IL15RA: variants seen among roughly 807,000 people sequenced by gnomAD.
The protein encoded by IL15RA is interleukin 15 receptor subunit alpha.
A neutral mutation model predicts 24.2 loss-of-function variants in IL15RA; 26 were observed. The ratio of observed to expected loss-of-function variants is 1.07; its 90% CI spans 0.79 to 1.49. IL15RA has a LOEUF of 1.49. Ranked by LOEUF, IL15RA falls within the 40% of genes most tolerant of loss-of-function variation. The pLI, the probability that IL15RA is intolerant of heterozygous loss-of-function variation, is 0.00. For missense variants in IL15RA, 354 were observed against 356.4 expected (o/e 0.99, Z 0.05); for synonymous variants, 166 against 157.6 (o/e 1.05, Z -0.40).
chr10:5,958,378 T>A lies in IL15RA; in HGVS notation c.616+1376A>T, dbSNP rs1412722447. The A allele has an allele frequency of 2.3e-6, 1 of 440,890 alleles. No individual in the cohort carries two copies. Among genetic ancestry groups the A allele is most frequent in the Non-Finnish European group, 4.6e-6 (1 of 218,608 alleles). The allele number at this position is 440,890 out of a possible 1,614,324, so 27.3% of individuals were successfully genotyped here. A position where few individuals can be genotyped will look rare whatever the true frequency, so the allele number is the denominator to read the frequency against. On this transcript the variant is annotated intron_variant, in intron 5 of 6. Transcript: ENST00000379977. This position sits in a 1 kb window ranked among gnomAD's most constrained non-coding sequence, Gnocchi z 4.3. The stretch of plus-strand genomic sequence containing the variant: ...TGCAAGGGGATTTTTGAGTTAGAAA[T>A]GGGATTTGCTTTTCGTCTTTTTTTT...
intron 1 of IL15RA, among the ~76,000 whole-genome samples, chr10:5,976,370 G>A (rs1001815675): frequency 1.3e-5 from 2 of 152,222 alleles, no homozygotes; most frequent in African/African-American, 4.8e-5. Context: ...AGACTGGCCC[G>A]ACTGGATGTA....
In IL15RA at chr10:5,956,423, A is replaced by C; in HGVS notation, c.648T>G (p.Cys216Trp). ...CCAGGAGAGACACAGCGCTCAGCCC[A>C]CACAGCAGGACAGTGGACGTGGAGA... ...VAISTSTVLL[C>W]GLSAVSLLAC... The change falls in exon 6 of 7, where the codon TGT becomes TGG. Residue 216 changes from cysteine to tryptophan, a missense_variant. Cys to Trp is a radical substitution (Grantham distance 215). Transcript: ENST00000379977. The C allele has an allele frequency of 6.2e-7, 1 of 1,614,122 alleles. No individual in the cohort carries two copies. Among genetic ancestry groups the C allele is most frequent in the Non-Finnish European group, 8.5e-7 (1 of 1,179,956 alleles).
chr10:5,968,829 G>T lies in IL15RA; in HGVS notation c.89-2490C>A. The T allele has an allele frequency of 1.2e-6, 1 of 815,826 alleles. No homozygotes were observed. Among genetic ancestry groups the T allele is most frequent in the Non-Finnish European group, 2.0e-6 (1 of 488,910 alleles). The allele number at this position is 815,826 out of a possible 1,614,324, so 50.5% of individuals were successfully genotyped here. ...GTGGCACTGGGGGCAGTTTTCCATT[G>T]TCCTGAGTCTCACGCAGGCCTCGTG... is the stretch of plus-strand genomic sequence containing the variant. On this transcript the variant is annotated intron_variant, in intron 1 of 6. Transcript: ENST00000379977. This position sits in a 1 kb window ranked among gnomAD's most constrained non-coding sequence, Gnocchi z 5.4.
downstream of IL15RA, chr10:5,952,305 T>C (rs1322100522): frequency 1.3e-5 from 2 of 152,532 alleles, no homozygotes; most frequent in African/African-American, 4.8e-5. Context: ...TCAGTCACCT[T>C]GGACTCTGCC....
upstream of IL15RA, chr10:5,977,560 G>T: frequency 7.9e-7 from 1 of 1,272,004 alleles, no homozygotes; most frequent in Non-Finnish European, 9.9e-7. Flanking sequence ...GGGAGGTGGC[G>T]AGCGCTGCTC....
At chr10:5,972,839 C>G (rs1032434263) in intron 1 of IL15RA, among the ~76,000 whole-genome samples, 1 of 152,040 alleles carries the variant, frequency 6.6e-6, no homozygotes, top group African/African-American at 2.4e-5. Flanking sequence ...GTTTTCACCA[C>G]TTTTTTGCTA....
At chr10:5,978,054 T>TGCGGAGGC (rs1279193090), upstream of IL15RA, 2 of 152,950 alleles carry the variant, frequency 1.3e-5, no homozygotes. The surrounding 1 kb of genome is among the most constrained non-coding windows in gnomAD (Gnocchi z 5.2). Context: ...GTCGCCGCGG[T>TGCGGAGGC]GCGGAGGCGC....
chr10:5,960,306 GC>G lies in IL15RA; in HGVS notation c.583+60del. The G allele has an allele frequency of 2.1e-6, 3 of 1,442,492 alleles. No individual in the cohort carries two copies. Among genetic ancestry groups the G allele is most frequent in the Non-Finnish European group, 9.8e-7 (1 of 1,025,318 alleles). 89.4% of individuals were successfully genotyped at this position (1,442,492 alleles called of 1,614,324 possible). A position where few individuals can be genotyped will look rare whatever the true frequency, so the allele number is the denominator to read the frequency against. On this transcript the variant is annotated intron_variant, in intron 4 of 6. Coordinates refer to ENST00000379977, the MANE Select transcript of IL15RA (RefSeq NM_002189.4). The surrounding 1 kb of genome is among the most constrained non-coding windows in gnomAD (Gnocchi z 5.1). The stretch of plus-strand genomic sequence containing the variant: ...TAAAGCTGCCTTGTGCCGGATCTCA[GC>G]CCCGATCTCAGAAGCAGCAATGGGG...
chr10:5,959,808 A>C lies in IL15RA; in HGVS notation c.584-22T>G. The C allele has an allele frequency of 6.2e-7, 1 of 1,613,608 alleles. No homozygotes were observed. The highest frequency in any genetic ancestry group is 8.5e-7 in the Non-Finnish European group (1 of 1,179,676). On this transcript the variant is annotated intron_variant, in intron 4 of 6. Transcript: ENST00000379977. This position sits in a 1 kb window ranked among gnomAD's most constrained non-coding sequence, Gnocchi z 4.1. ...ACACCTGCGGAAAAGAGAGGACAGC[A>C]TCACGGCTCGAGTCCTAGAGGTCCT...
chr10:5,970,791 A>T lies in IL15RA; in HGVS notation c.89-4452T>A, dbSNP rs1312386483. Among the ~76,000 whole-genome samples the T allele has an allele frequency of 6.9e-6, 1 of 145,412 alleles. No individual in the cohort carries two copies. The highest frequency in any genetic ancestry group is 1.5e-5 in the Non-Finnish European group (1 of 66,664). On this transcript the variant is annotated intron_variant, in intron 1 of 6. Coordinates refer to ENST00000379977, the MANE Select transcript of IL15RA (RefSeq NM_002189.4). This position sits in a 1 kb window ranked among gnomAD's most constrained non-coding sequence, Gnocchi z 4.1. ...TTTATTTTATTTTGAGACAGGGTCT[A>T]GCTCTGTCACCCAGGCTAGAGCACA... is the stretch of plus-strand genomic sequence containing the variant.
rs1410501085 is a variant in IL15RA, at chr10:5,968,051, T to G, written c.89-1712A>C. Reference sequence around the variant, plus strand: ...TCGAGCCTGGGTGACAGAGCAAGAATCTGTCTCAAACAAACAGAAAACCCC... The same window carrying G: ...TCGAGCCTGGGTGACAGAGCAAGAAGCTGTCTCAAACAAACAGAAAACCCC... On this transcript the variant is annotated intron_variant, in intron 1 of 6. Transcript: ENST00000379977. This position sits in a 1 kb window ranked among gnomAD's most constrained non-coding sequence, Gnocchi z 5.4. 6.6e-6 allele frequency among the ~76,000 whole-genome samples: 1 copy of G among 151,990 alleles called. No homozygotes were observed. Among genetic ancestry groups the G allele is most frequent in the African/African-American group, 2.4e-5 (1 of 41,368 alleles).
downstream of IL15RA, among the ~76,000 whole-genome samples, chr10:5,949,696 C>T (rs1288993794): frequency 6.6e-6 from 1 of 152,074 alleles, no homozygotes; most frequent in African/African-American, 2.4e-5. The surrounding 1 kb of genome is among the most constrained non-coding windows in gnomAD (Gnocchi z 4.4). Flanking sequence ...AAAGTCACAC[C>T]ACAAGATATA....
In IL15RA at chr10:5,963,753, A is replaced by C. The variant is rs2132466779; in HGVS notation, c.372T>G (p.Pro124=). The change falls in exon 3 of 7, where the codon CCT becomes CCG. Residue 124 remains proline, a synonymous_variant. Coordinates refer to ENST00000379977, the MANE Select transcript of IL15RA (RefSeq NM_002189.4). This position sits in a 1 kb window ranked among gnomAD's most constrained non-coding sequence, Gnocchi z 5.3. ...TTCTGACCTTCCTACCTTTTCCAGA[A>C]GGGGAGAGGCTCTCTGGCTGTGGGG... The part of the protein sequence containing the change: ...GVTPQPESLS[P]SGKEPAASSP... 3 of 1,515,990 alleles carry C rather than the reference A, an allele frequency of 2.0e-6. No individual in the cohort carries two copies. In the South Asian group the frequency reaches 4.0e-5, roughly 20 times the overall value. 93.9% of individuals were successfully genotyped at this position (1,515,990 alleles called of 1,614,324 possible). A position where few individuals can be genotyped will look rare whatever the true frequency, so the allele number is the denominator to read the frequency against.
intron 1 of IL15RA, among the ~76,000 whole-genome samples, chr10:5,976,500 C>T (rs988844505): frequency 6.6e-6 from 1 of 152,180 alleles, no homozygotes; most frequent in Non-Finnish European, 1.5e-5. Flanking sequence ...CATTTTGTAA[C>T]TATGTTCATT....
Position 5,962,195 on chromosome 10 carries a change from C to T in IL15RA, c.382+1548G>A, listed in dbSNP as rs560982835. On this transcript the variant is annotated intron_variant, in intron 3 of 6. Coordinates refer to ENST00000379977, the MANE Select transcript of IL15RA (RefSeq NM_002189.4). The surrounding 1 kb of genome is among the most constrained non-coding windows in gnomAD (Gnocchi z 5.2). ...TTACTTCAAGTTTAAATGGAGCCAG[C>T]CCCTCAACCCCTTCCTCCCTGTGCA... 1.3e-5 allele frequency among the ~76,000 whole-genome samples: 2 copies of T among 152,304 alleles called. No homozygotes were observed. The highest frequency in any genetic ancestry group is 2.9e-5 in the Non-Finnish European group (2 of 68,014).
At chr10:5,957,905 A>G (rs1477100675) in intron 5 of IL15RA, among the ~76,000 whole-genome samples, 1 of 152,214 alleles carries the variant, frequency 6.6e-6, no homozygotes, top group Non-Finnish European at 1.5e-5. Flanking sequence ...TTTTTAATCT[A>G]ATAAAAGTCA....
At position 5,959,828 on chromosome 10, in the gene IL15RA, G is replaced by A; in HGVS notation, c.584-42C>T. 2 of 1,604,686 alleles carry A rather than the reference G, an allele frequency of 1.2e-6. No homozygotes were observed. The highest frequency in any genetic ancestry group is 1.7e-6 in the Non-Finnish European group (2 of 1,172,154). On this transcript the variant is annotated intron_variant, in intron 4 of 6. Transcript: ENST00000379977. This position sits in a 1 kb window ranked among gnomAD's most constrained non-coding sequence, Gnocchi z 4.1. ...ACAGCATCACGGCTCGAGTCCTAGA[G>A]GTCCTAGTTCCTCATGAAGCAGGAG...
downstream of IL15RA, among the ~76,000 whole-genome samples, chr10:5,952,167 A>G (rs1271364991): frequency 2.0e-5 from 3 of 152,200 alleles, no homozygotes; most frequent in Non-Finnish European, 4.4e-5. Flanking sequence ...AGCTGAGCCC[A>G]GACTTGCCAC....
chr10:5,977,910 T>C (rs1270950175), upstream of IL15RA: 7 of 289,950 alleles, frequency 2.4e-5, no homozygotes, highest in East Asian at 3.9e-4. Flanking sequence ...TCCAGCCCTC[T>C]CTGCGGCTCG....
Sources: allele counts gnomAD v4.1 joint callset (sites outside exome capture counted in the v4.1 genomes callset), GRCh38; gene constraint gnomAD v4.1.1; non-coding constraint Gnocchi (gnomAD v3.1); transcripts MANE v1.5; gene names NCBI Gene and HGNC (gene_info 2026-07-23, HGNC 2026-07-21).